Variants in TNKS1BP1 observed in about 807,000 individuals in gnomAD.
TNKS1BP1 encodes the protein CCR4-NOT transcription complex subunit 12.
TNKS1BP1 carries 48 observed loss-of-function variants against 141.1 expected under a neutral mutation model. The observed-to-expected ratio is 0.34, with a 90% CI of 0.27 to 0.43. TNKS1BP1 has a LOEUF of 0.43. Ranked by LOEUF, TNKS1BP1 falls within the 20% of genes least tolerant of loss-of-function variation. TNKS1BP1 has a pLI of 1.00. For missense variants in TNKS1BP1, 2,149 were observed against 2,226.0 expected, an observed-to-expected ratio of 0.97 and a Z score of 0.70; for synonymous variants, 875 against 898.2, an observed-to-expected ratio of 0.97 and a Z score of 0.46.
In TNKS1BP1 at chr11:57,309,389, C is replaced by T. The variant is rs770212659; in HGVS notation, c.3322G>A (p.Asp1108Asn). ...TCGATGCAGAAGTCCCGGCTCCAGT[C>T]CTGCTGCCCTGGGCTAAATGCTGCC... The part of the protein sequence containing the change: ...REAAFSPGQQ[D>N]WSRDFCIEAS... Residue 1108 changes from aspartate to asparagine, a missense_variant, in exon 6 of 12, where the codon GAC becomes AAC. Physicochemically the swap from Asp to Asn is conservative, Grantham distance 23. Transcript: ENST00000358252. This position sits in a 1 kb window ranked among gnomAD's most constrained non-coding sequence, Gnocchi z 4.3. 1 of 1,614,094 alleles carries T rather than the reference C, an allele frequency of 6.2e-7. No homozygotes were observed. The highest frequency in any genetic ancestry group is 1.3e-5 in the African/African-American group (1 of 74,952).
intron 1 of TNKS1BP1, among the ~76,000 whole-genome samples, chr11:57,323,836 A>C (rs1001524226): frequency 6.6e-6 from 1 of 152,214 alleles, no homozygotes; most frequent in Non-Finnish European, 1.5e-5. Flanking sequence ...GATGGAAATT[A>C]ATTGGCTCAG....
In TNKS1BP1 at chr11:57,312,856, G is replaced by C. The variant is rs867196881; in HGVS notation, c.1832C>G (p.Ala611Gly). The C allele has an allele frequency of 1.2e-6, 2 of 1,609,864 alleles. No homozygotes were observed. The highest frequency in any genetic ancestry group is 1.7e-6 in the Non-Finnish European group (2 of 1,177,708). Residue 611 changes from alanine to glycine, a missense_variant, in exon 5 of 12, where the codon GCC (alanine) becomes GGC (glycine). By Grantham distance (60) the Ala-to-Gly change is moderately conservative (BLOSUM62 0). Transcript: ENST00000358252. ...CAGGACTGGCTCCAGGATGGGCAAG[G>C]CTGCCTCCCTGGTAGCCAGGGGGAG... ...SPLPLATREA[A>G]LPILEPVLGQ...
chr11:57,311,092 A>G, intron 5 of TNKS1BP1: 1 of 365,658 alleles, frequency 2.7e-6, no homozygotes, highest in Non-Finnish European at 3.8e-6. Flanking sequence ...CCCCAGCCAA[A>G]GTGCCGTCTG....
chr11:57,308,544 C>T lies in TNKS1BP1; in HGVS notation c.4167G>A (p.Glu1389=), dbSNP rs1184272084. ...RHNGSLSPGL[E]ARDPLEAREL... ...CCCTGGCCTCCAAGGGGTCTCTGGC[C>T]TCCAGGCCAGGAGACAAGCTGCCAT... The change falls in exon 6 of 12, where the codon GAG becomes GAA. Residue 1389 remains glutamate, a synonymous_variant. Coordinates refer to ENST00000358252, the MANE Select transcript of TNKS1BP1 (RefSeq NM_033396.3). 2.5e-6 allele frequency: 4 copies of T among 1,614,148 alleles called. No individual in the cohort carries two copies. Among genetic ancestry groups the T allele is most frequent in the East Asian group, 2.2e-5 (1 of 44,868 alleles).
rs756467432 is a variant in TNKS1BP1 at position 57,313,288 on chromosome 11, T to C, written c.1400A>G (p.Glu467Gly). ...GGACTGTGATAAGCTCCAGTTGGAC[T>C]CTGCCCCAAAGGGACGATCCAGGGC... is the stretch of plus-strand genomic sequence containing the variant. ...QLALDRPFGA[E>G]SNWSLSQSFE... The change falls in exon 5 of 12, where the codon GAG becomes GGG. Residue 467 changes from glutamate (E) to glycine (G), a missense_variant. Glu to Gly is a moderately conservative substitution (Grantham distance 98). Coordinates refer to ENST00000358252, the MANE Select transcript of TNKS1BP1 (RefSeq NM_033396.3). The C allele has an allele frequency of 1.9e-6, 3 of 1,613,008 alleles. No homozygotes were observed. Among genetic ancestry groups the C allele is most frequent in the South Asian group, 2.2e-5 (2 of 91,084 alleles).
Position 57,302,161 on chromosome 11 carries a change from GC to G in TNKS1BP1, c.4746del (p.His1583ThrfsTer43). ...RSRANLGRKRGHRAPVIRPGG... is the reference protein window; with the variant it reads ...RSRANLGRKRXHRAPVIRPGG... ...CCAGGCCGAATGACCGGGGCCCGGT[GC>G]CCACGCTTGCGCCCCAAGTTGGCAC... is the stretch of plus-strand genomic sequence containing the variant. On this transcript the variant is annotated frameshift_variant, in exon 8 of 12. Transcript: ENST00000358252. LOFTEE classifies it high-confidence loss of function. This position sits in a 1 kb window ranked among gnomAD's most constrained non-coding sequence, Gnocchi z 5.5. 6.2e-7 allele frequency: 1 copy of G among 1,613,500 alleles called. No individual in the cohort carries two copies.
chr11:57,311,638 C>A (rs1281694599), intron 5 of TNKS1BP1, among the ~76,000 whole-genome samples: 1 of 152,142 alleles, frequency 6.6e-6, no homozygotes, highest in African/African-American at 2.4e-5. Context: ...CCCCCAGAGG[C>A]CCCCTGGCTC....
At chr11:57,301,151 C>T (rs920081627) in intron 9 of TNKS1BP1, 110 bp from the exon 10 acceptor site, 1 of 1,168,866 alleles carries the variant, frequency 8.6e-7, no homozygotes. Flanking sequence ...AAGCAGAGAC[C>T]CCTCTGCAGT....
chr11:57,318,512 G>C (rs1220757723), intron 3 of TNKS1BP1, among the ~76,000 whole-genome samples: 1 of 152,226 alleles, frequency 6.6e-6, no homozygotes, highest in South Asian at 2.1e-4. Flanking sequence ...GGCAGGGCAG[G>C]GACCCTCAGC....
chr11:57,311,291 C>T (rs1855705137), intron 5 of TNKS1BP1: 2 of 985,926 alleles, frequency 2.0e-6, no homozygotes, highest in African/African-American at 1.7e-5. Context: ...CCAGCCTCAT[C>T]CCTCAGCGCA....
rs76869631 is a variant in TNKS1BP1, at chr11:57,315,342, C to T, written c.799-1453G>A. Among the ~76,000 whole-genome samples the T allele has an allele frequency of 9.9e-4, 151 of 151,944 alleles. 2 individuals carry two copies. In the East Asian group the frequency reaches 0.028, roughly 28 times the overall value. The stretch of plus-strand genomic sequence containing the variant: ...AATTCTTTCTCATTGTCCCCCACTC[C>T]CCTCATACCCTCACCTCTCTTCTTA... On this transcript the variant is annotated intron_variant, in intron 4 of 11. Transcript: ENST00000358252.
chr11:57,313,358 C>A lies in TNKS1BP1; in HGVS notation c.1330G>T (p.Gly444Trp). The change falls in exon 5 of 12, where the codon GGG becomes TGG. Residue 444 changes from glycine (G) to tryptophan (W), a missense_variant. Gly to Trp is a radical substitution (Grantham distance 184). Transcript: ENST00000358252. ...QSPSQDQEKLGGSLAALPQGQ... is the reference protein window; with the variant it reads ...QSPSQDQEKLWGSLAALPQGQ... ...TGGGGCAGGGCAGCCAGCGAGCCCC[C>A]CAGCTTCTCCTGGTCCTGACTGGGT... 6.2e-7 allele frequency: 1 copy of A among 1,612,668 alleles called. No homozygotes were observed. The highest frequency in any genetic ancestry group is 1.1e-5 in the South Asian group (1 of 91,034).
intron 5 of TNKS1BP1, among the ~76,000 whole-genome samples, chr11:57,310,863 T>C (rs1033945439): frequency 2.0e-5 from 3 of 152,182 alleles, no homozygotes; most frequent in Non-Finnish European, 4.4e-5. Flanking sequence ...TGTTTACAAC[T>C]CTTGGGCAAT....
At chr11:57,306,152 C>T (rs1590578951) in intron 6 of TNKS1BP1, among the ~76,000 whole-genome samples, 1 of 152,118 alleles carries the variant, frequency 6.6e-6, no homozygotes, top group Non-Finnish European at 1.5e-5. Flanking sequence ...GTGATGTGCG[C>T]CTGTATTCCC....
Position 57,308,613 on chromosome 11 carries a change from C to CCTGAAG in TNKS1BP1, c.4097_4098insCTTCAG (p.Gly1366_Val1367insPheArg), listed in dbSNP as rs779209841. ...CTGGGCACTGGCTCACCCCGCCCAC[C>CCTGAAG]CCATGCTCCCTGGCTTCACTTGGAG... is the stretch of plus-strand genomic sequence containing the variant. On this transcript the variant is annotated inframe_insertion, in exon 6 of 12. Coordinates refer to ENST00000358252, the MANE Select transcript of TNKS1BP1 (RefSeq NM_033396.3). 25 of 1,613,938 alleles carry CCTGAAG rather than the reference C, an allele frequency of 1.5e-5. No individual in the cohort carries two copies. In the Middle Eastern group the frequency reaches 6.6e-4, roughly 43 times the overall value.
chr11:57,321,917 A>AGGCAGAG lies in TNKS1BP1; in HGVS notation c.-39_-33dup. 6.2e-7 allele frequency: 1 copy of AGGCAGAG among 1,612,924 alleles called. No homozygotes were observed. The highest frequency in any genetic ancestry group is 2.2e-5 in the East Asian group (1 of 44,868). On this transcript the variant is annotated 5_prime_UTR_variant, in exon 2 of 12. Transcript: ENST00000358252. ...CGGCAGACCCTCCTTGAGAGCGGGGAGGCAGAGAGGTATGAGCTGGGGTGG... is the reference window on the plus strand; with the variant it reads ...CGGCAGACCCTCCTTGAGAGCGGGGAGGCAGAGGGCAGAGAGGTATGAGCTGGGGTGG...
chr11:57,309,884 G>A lies in TNKS1BP1; in HGVS notation c.2827C>T (p.Arg943Trp), dbSNP rs778792813. 2.1e-5 allele frequency: 34 copies of A among 1,613,696 alleles called. No individual in the cohort carries two copies. The highest frequency in any genetic ancestry group is 1.7e-4 in the Middle Eastern group (1 of 6,060). Residue 943 changes from arginine to tryptophan, a missense_variant, in exon 6 of 12, where the codon CGG (arginine) becomes TGG (tryptophan). Coordinates refer to ENST00000358252, the MANE Select transcript of TNKS1BP1 (RefSeq NM_033396.3). This position sits in a 1 kb window ranked among gnomAD's most constrained non-coding sequence, Gnocchi z 4.3. Reference sequence around the variant, plus strand: ...TCCTGTTCCTGTGGCTCCGCAGCCCGGCTGCCATAGGTGCCGAGTGACACA... The same window carrying A: ...TCCTGTTCCTGTGGCTCCGCAGCCCAGCTGCCATAGGTGCCGAGTGACACA... ...RDVSLGTYGS[R>W]AAEPQEQEFG...
rs756516935 is a variant in TNKS1BP1 at position 57,308,941 on chromosome 11, T to G, written c.3770A>C (p.Gln1257Pro). 3 of 1,614,004 alleles carry G rather than the reference T, an allele frequency of 1.9e-6. No individual in the cohort carries two copies. The highest frequency in any genetic ancestry group is 2.5e-6 in the Non-Finnish European group (3 of 1,180,026). Residue 1257 changes from glutamine (Q) to proline (P), a missense_variant, in exon 6 of 12, where the codon CAG becomes CCG. Coordinates refer to ENST00000358252, the MANE Select transcript of TNKS1BP1 (RefSeq NM_033396.3). ...GGCCTCCACACCTGACCAGTCAGTC[T>G]GCCCCACGCCACTCTCTCTGGCCTG... ...HSQARESGVGQTDWSGVEAGE... is the reference protein window; with the variant it reads ...HSQARESGVGPTDWSGVEAGE...
rs1855729955 is a variant in TNKS1BP1, at chr11:57,312,605, T to C, written c.2083A>G (p.Ser695Gly). 3.2e-6 allele frequency: 5 copies of C among 1,547,042 alleles called. No individual in the cohort carries two copies. Among genetic ancestry groups the C allele is most frequent in the Non-Finnish European group, 3.5e-6 (4 of 1,149,662 alleles). Reference protein sequence around the residue: ...LDDLLASPPPSGGGARRGAGA... With the variant: ...LDDLLASPPPGGGGARRGAGA... ...GCTCCCCGCCTTGCACCGCCACCACTGGGTGGTGGTGAAGCCAGGAGGTCG... is the reference window on the plus strand; with the variant it reads ...GCTCCCCGCCTTGCACCGCCACCACCGGGTGGTGGTGAAGCCAGGAGGTCG... The change falls in exon 5 of 12, where the codon AGT becomes GGT. Residue 695 changes from serine (S) to glycine (G), a missense_variant. Transcript: ENST00000358252.
Sources: gnomAD v4.1 joint callset for allele counts (sites outside exome capture counted in the v4.1 genomes callset) on GRCh38, gnomAD v4.1.1 for gene constraint, Gnocchi (gnomAD v3.1) non-coding constraint, MANE v1.5 for transcripts, NCBI Gene and HGNC (gene_info 2026-07-23, HGNC 2026-07-21) for gene names.